The following ITGA9 variants were observed in gnomAD, a reference collection of about 807,000 sequenced individuals.
ITGA9 encodes the protein integrin subunit alpha 9.
ITGA9 carries 56 observed loss-of-function variants against 127.8 expected under a neutral mutation model. The ratio of observed to expected loss-of-function variants is 0.44; its 90% CI spans 0.35 to 0.55. The LOEUF (loss-of-function observed/expected upper bound fraction) is 0.55, where lower values mean the gene tolerates loss of function less well. ITGA9 is among the 20% of genes least tolerant of loss of function. ITGA9 has a pLI of 0.00. For missense variants in ITGA9, 1,196 were observed against 1,347.1 expected, an observed-to-expected ratio of 0.89 and a Z score of 1.76; for synonymous variants, 508 against 514.5, an observed-to-expected ratio of 0.99 and a Z score of 0.17.
At chr3:37,470,956 C>G (rs1257928751) in intron 1 of ITGA9, 51 bp from the exon 2 acceptor site, 1 of 1,610,024 alleles carries the variant, frequency 6.2e-7, no homozygotes, top group Non-Finnish European at 8.5e-7. Flanking sequence ...CCATCTGCCT[C>G]CTATTTTCTT....
intron 7 of ITGA9, 114 bp downstream of exon 7, chr3:37,506,199 G>GT (rs1198508103): frequency 9.7e-6 from 8 of 821,088 alleles, no homozygotes; most frequent in Non-Finnish European, 1.6e-5. Context: ...TGGGTGGCTG[G>GT]TGGGGAGGTG....
chr3:37,486,666 T>C (rs78640773), intron 4 of ITGA9, among the ~76,000 whole-genome samples: 2,741 of 152,348 alleles, frequency 0.018, 68 homozygotes, highest in South Asian at 0.082. Flanking sequence ...TTAAGAGCCC[T>C]TGGCAAGTTA....
At chr3:37,667,964 G>C (rs775686426) in intron 17 of ITGA9, among the ~76,000 whole-genome samples, 6 of 152,158 alleles carry the variant, frequency 3.9e-5, no homozygotes, top group Non-Finnish European at 1.5e-5. Flanking sequence ...ATTGCAGAAA[G>C]CATTTGATTT....
chr3:37,527,467 C>T (rs1017888592), intron 13 of ITGA9, among the ~76,000 whole-genome samples: 3 of 152,168 alleles, frequency 2.0e-5, no homozygotes, highest in African/African-American at 7.2e-5. Flanking sequence ...TTTTATATAG[C>T]AACCCTTTAG....
At chr3:37,577,102 G>A (rs774120688) in intron 15 of ITGA9, among the ~76,000 whole-genome samples, 1 of 152,222 alleles carries the variant, frequency 6.6e-6, no homozygotes. Flanking sequence ...CAGGTGGTCA[G>A]TGGGGCAGGG....
rs187658582 is a variant in ITGA9 at position 37,765,281 on chromosome 3, G to A, written c.2542-12111G>A. Among the ~76,000 whole-genome samples the A allele has an allele frequency of 2.8e-3, 429 of 152,174 alleles. 3 individuals carry two copies. The highest frequency in any genetic ancestry group is 4.6e-3 in the Non-Finnish European group (313 of 68,002). ...TGGCAGAGGTTGCCTTAATTTCAAT[G>A]TGAGAATAAGAAGGTGAAATTTTGA... is the stretch of plus-strand genomic sequence containing the variant. On this transcript the variant is annotated intron_variant, in intron 23 of 27. Coordinates refer to ENST00000264741, the MANE Select transcript of ITGA9 (RefSeq NM_002207.3).
In ITGA9 at chr3:37,754,510, C is replaced by T. The variant is rs1018418607; in HGVS notation, c.2541+3941C>T. Among the ~76,000 whole-genome samples, 9 of 152,344 alleles carry T rather than the reference C, an allele frequency of 5.9e-5. 1 individual carries two copies. The highest frequency in any genetic ancestry group is 1.7e-4 in the African/African-American group (7 of 41,584). Reference sequence around the variant, plus strand: ...AAATATCATACCATTCATTCCTCCTCCTGCAAAACCAATTGAAAATATTGG... The same window carrying T: ...AAATATCATACCATTCATTCCTCCTTCTGCAAAACCAATTGAAAATATTGG... On this transcript the variant is annotated intron_variant, in intron 23 of 27. Transcript: ENST00000264741.
chr3:37,528,799 T>C (rs1227962541), intron 13 of ITGA9, among the ~76,000 whole-genome samples: 1 of 152,238 alleles, frequency 6.6e-6, no homozygotes, highest in African/African-American at 2.4e-5. Flanking sequence ...AATGCACCAA[T>C]TTGAGAGTAT....
intron 17 of ITGA9, among the ~76,000 whole-genome samples, chr3:37,665,225 T>C (rs908312298): frequency 6.6e-6 from 1 of 152,086 alleles, no homozygotes; most frequent in South Asian, 2.1e-4. Flanking sequence ...TCCACCCACC[T>C]TGGCCTCCCA....
At chr3:37,569,947 G>A (rs1339231114) in intron 15 of ITGA9, among the ~76,000 whole-genome samples, 1 of 152,206 alleles carries the variant, frequency 6.6e-6, no homozygotes, top group Admixed American at 6.5e-5. Context: ...TTCAATTAAG[G>A]GATATGCAAC....
chr3:37,759,508 GTAA>G (rs1249891556), intron 23 of ITGA9, among the ~76,000 whole-genome samples: 1 of 152,026 alleles, frequency 6.6e-6, no homozygotes, highest in South Asian at 2.1e-4. Context: ...AAGAATATCA[GTAA>G]TAATATTGAT....
intron 9 of ITGA9, 108 bp downstream of exon 9, chr3:37,514,008 A>C: frequency 1.5e-6 from 2 of 1,309,464 alleles, no homozygotes; most frequent in East Asian, 2.3e-5. Context: ...AATGTTACCC[A>C]GAGGAGATGA....
At chr3:37,615,543 C>A (rs1179061807) in intron 15 of ITGA9, among the ~76,000 whole-genome samples, 1 of 152,226 alleles carries the variant, frequency 6.6e-6, no homozygotes, top group Admixed American at 6.5e-5. Context: ...AAGGAATAGT[C>A]CCAGCTCCTC....
At chr3:37,494,734 C>T (rs267523) in intron 5 of ITGA9, among the ~76,000 whole-genome samples, 166 bp downstream of exon 5, 1 of 151,884 alleles carries the variant, frequency 6.6e-6, no homozygotes, top group South Asian at 2.1e-4. Context: ...TCTACCTGCC[C>T]GGAGGGCACC....
At chr3:37,640,069 C>A (rs1700317871) in intron 16 of ITGA9, among the ~76,000 whole-genome samples, 1 of 152,200 alleles carries the variant, frequency 6.6e-6, no homozygotes, top group African/African-American at 2.4e-5. Flanking sequence ...AGCAGGGCTT[C>A]CAGGTCTTTC....
chr3:37,740,242 C>T (rs1286885504), intron 20 of ITGA9, among the ~76,000 whole-genome samples: 1 of 152,024 alleles, frequency 6.6e-6, no homozygotes, highest in Non-Finnish European at 1.5e-5. Flanking sequence ...GTTCAGGGAA[C>T]GGCGTGGTGG....
chr3:37,507,594 C>CG (rs1228335735), intron 7 of ITGA9, among the ~76,000 whole-genome samples: 2 of 152,092 alleles, frequency 1.3e-5, no homozygotes, highest in Non-Finnish European at 1.5e-5. Context: ...AGCCAGACAG[C>CG]GGGACTCCTG....
At chr3:37,580,159 T>C (rs568060708) in intron 15 of ITGA9, among the ~76,000 whole-genome samples, 3 of 152,194 alleles carry the variant, frequency 2.0e-5, no homozygotes, top group Admixed American at 6.5e-5. Context: ...GAGAAATCTT[T>C]ATGAAAAATG....
chr3:37,528,705 C>T (rs906232875), intron 13 of ITGA9, among the ~76,000 whole-genome samples: 13 of 152,126 alleles, frequency 8.5e-5, no homozygotes, highest in Non-Finnish European at 5.9e-5. Context: ...CTACCGCATG[C>T]CTGGCACAGT....
Sources: gnomAD v4.1 joint callset for allele counts (sites outside exome capture counted in the v4.1 genomes callset) on GRCh38, gnomAD v4.1.1 for gene constraint, MANE v1.5 for transcripts, NCBI Gene and HGNC (gene_info 2026-07-23, HGNC 2026-07-21) for gene names.